The following UBN1 variants were observed in gnomAD, a reference collection of about 807,000 sequenced individuals.
UBN1 encodes the protein ubinuclein 1, also known as ubinuclein-1.
In UBN1, 17 loss-of-function variants were observed where a neutral mutation model predicts 108.5. That is an observed-to-expected ratio of 0.16 (90% confidence interval 0.11 to 0.24). The LOEUF (loss-of-function observed/expected upper bound fraction) is 0.24, where lower values mean the gene tolerates loss of function less well. Among genes scored for constraint, UBN1 ranks in the 10% least tolerant of loss-of-function variants. The pLI, the probability that UBN1 is intolerant of heterozygous loss-of-function variation, is 1.00. For missense variants in UBN1, 1,595 were observed against 1,394.4 expected (o/e 1.14, Z -2.29); for synonymous variants, 726 against 564.2 (o/e 1.29, Z -4.07).
In UBN1 at chr16:4,848,051, C is replaced by A. The variant is rs1309390280; in HGVS notation, c.-199C>A. On this transcript the variant is annotated 5_prime_UTR_variant, in exon 1 of 18. Transcript: ENST00000262376. ...GCGCGCGGCGCGGCACACCAGGCTCCCCTGGGCTCGGGGACCCGGCCATGG... is the reference window on the plus strand; with the variant it reads ...GCGCGCGGCGCGGCACACCAGGCTCACCTGGGCTCGGGGACCCGGCCATGG... The A allele has an allele frequency of 1.3e-5, 2 of 152,112 alleles. No homozygotes were observed. Among genetic ancestry groups the A allele is most frequent in the African/African-American group, 4.8e-5 (2 of 41,438 alleles). 9.4% of individuals were successfully genotyped at this position (152,112 alleles called of 1,614,324 possible).
intron 7 of UBN1, among the ~76,000 whole-genome samples, chr16:4,864,953 A>G (rs1164247598): frequency 3.9e-5 from 6 of 152,240 alleles, no homozygotes; most frequent in Non-Finnish European, 8.8e-5. Context: ...TACAGTATAT[A>G]AGATTTTGAG....
chr16:4,859,422 G>A (rs915020739), intron 5 of UBN1, among the ~76,000 whole-genome samples: 1 of 152,156 alleles, frequency 6.6e-6, no homozygotes, highest in African/African-American at 2.4e-5. Flanking sequence ...TTCTGGAGGT[G>A]GCCTCAGGGT....
At chr16:4,871,399 A>G (rs958734561) in intron 12 of UBN1, 98 bp downstream of exon 12, 21 of 1,509,516 alleles carry the variant, frequency 1.4e-5, no homozygotes, top group Non-Finnish European at 1.7e-5. Context: ...ACAGGGAGTC[A>G]CTGTCTAGCT....
Position 4,877,231 on chromosome 16 carries a change from C to G in UBN1, c.3265+120C>G, listed in dbSNP as rs549847987. 151 of 1,514,230 alleles carry G rather than the reference C, an allele frequency of 1.0e-4. 3 individuals are homozygous for G. In the South Asian group the frequency reaches 1.8e-3, roughly 18 times the overall value. 93.8% of individuals were successfully genotyped at this position (1,514,230 alleles called of 1,614,324 possible). Reference sequence around the variant, plus strand: ...TGGTGTGTGACTGTGGGGAACATCTCCGGGAACTGTGCCAAGCCCCCACTG... The same window carrying G: ...TGGTGTGTGACTGTGGGGAACATCTGCGGGAACTGTGCCAAGCCCCCACTG... On this transcript the variant is annotated intron_variant, in intron 16 of 17. Transcript: ENST00000262376. The surrounding 1 kb of genome is among the most constrained non-coding windows in gnomAD (Gnocchi z 4.3).
chr16:4,854,109 GT>G (rs985930910), intron 2 of UBN1, among the ~76,000 whole-genome samples: 7 of 149,370 alleles, frequency 4.7e-5, no homozygotes, highest in Non-Finnish European at 7.4e-5. Flanking sequence ...TCTTGTCTCA[GT>G]GCAACCTCTG....
intron 1 of UBN1, among the ~76,000 whole-genome samples, chr16:4,848,578 G>A (rs2086337267): frequency 6.6e-6 from 1 of 152,174 alleles, no homozygotes; most frequent in African/African-American, 2.4e-5. Flanking sequence ...GGTGTTTAGC[G>A]TACTGGGTCG....
chr16:4,859,856 A>C lies in UBN1; in HGVS notation c.568-9A>C. On this transcript the variant is annotated splice_polypyrimidine_tract_variant and intron_variant, in intron 5 of 17. Transcript: ENST00000262376. ...AGCCGTGTAACTGTGCCTTGTCTTTAATTCTCAGAAGCGGAAGTTGAAGGA... is the reference window on the plus strand; with the variant it reads ...AGCCGTGTAACTGTGCCTTGTCTTTCATTCTCAGAAGCGGAAGTTGAAGGA... The C allele has an allele frequency of 3.1e-6, 5 of 1,613,898 alleles. No individual in the cohort carries two copies. Among genetic ancestry groups the C allele is most frequent in the Non-Finnish European group, 4.2e-6 (5 of 1,179,914 alleles).
intron 7 of UBN1, among the ~76,000 whole-genome samples, chr16:4,864,402 C>T (rs535259042): frequency 1.3e-5 from 2 of 152,130 alleles, no homozygotes; most frequent in African/African-American, 4.8e-5. Context: ...TCTTTGAAAA[C>T]TTGTGTATGT....
rs372612606 is a variant in UBN1 at position 4,860,018 on chromosome 16, A to G, written c.671+50A>G. ...AGGATAAAGCCTGAACTGTTAGGGC[A>G]GGACGACTGGGAGCTGACTCACCTC... is the stretch of plus-strand genomic sequence containing the variant. On this transcript the variant is annotated intron_variant, in intron 6 of 17. Coordinates refer to ENST00000262376, the MANE Select transcript of UBN1 (RefSeq NM_001079514.3). The G allele has an allele frequency of 1.9e-5, 30 of 1,606,956 alleles. No individual in the cohort carries two copies. In the African/African-American group the frequency reaches 2.0e-4, roughly 11 times the overall value.
Position 4,876,940 on chromosome 16 carries a change from C to T in UBN1, c.3094C>T (p.Pro1032Ser). The T allele has an allele frequency of 6.2e-7, 1 of 1,614,132 alleles. No individual in the cohort carries two copies. Among genetic ancestry groups the T allele is most frequent in the Non-Finnish European group, 8.5e-7 (1 of 1,180,028 alleles). ...GGCTTCACCCTACAAATCCAGCAGC[C>T]CAAAGCTGTCTGGGGCCATGAGCTC... is the stretch of plus-strand genomic sequence containing the variant. ...LMASPYKSSS[P>S]KLSGAMSSNS... The change falls in exon 16 of 18, where the codon CCA (proline) becomes TCA (serine). Residue 1032 changes from proline (P) to serine (S), a missense_variant. This residue lies in a region of UBN1 where 1,398 missense variants were observed against 1,194.7 expected (regional missense o/e 1.17). Transcript: ENST00000262376.
rs149227472 is a variant in UBN1 at position 4,870,881 on chromosome 16, C to T, written c.1468C>T (p.Arg490Trp). 162 of 1,613,792 alleles carry T rather than the reference C, an allele frequency of 1.0e-4. No homozygotes were observed. Among genetic ancestry groups the T allele is most frequent in the African/African-American group, 1.5e-4 (11 of 74,964 alleles). ...GGAGAAAGACAAGGAGCAGAGGGAC[C>T]GGATTTGTTCGGATGAGGAAGAAGA... ...EEEKDKEQRDRICSDEEEDEE... is the reference protein window; with the variant it reads ...EEEKDKEQRDWICSDEEEDEE... Residue 490 changes from arginine to tryptophan, a missense_variant, in exon 11 of 18, where the codon CGG becomes TGG. By Grantham distance (101) the Arg-to-Trp change is moderately radical (BLOSUM62 -3). Transcript: ENST00000262376.
chr16:4,863,851 GT>G (rs2087187343), intron 7 of UBN1, among the ~76,000 whole-genome samples: 1 of 152,120 alleles, frequency 6.6e-6, no homozygotes, highest in Non-Finnish European at 1.5e-5. Flanking sequence ...TCAGGGCTTG[GT>G]GGTCTCAGGG....
At chr16:4,865,621 G>C (rs1312302229) in intron 7 of UBN1, among the ~76,000 whole-genome samples, 2 of 152,034 alleles carry the variant, frequency 1.3e-5, no homozygotes, top group African/African-American at 4.8e-5. Flanking sequence ...TATGAGCTGC[G>C]ATCACGTCAC....
chr16:4,877,340 C>T lies in UBN1; in HGVS notation c.3266-45C>T. The T allele has an allele frequency of 1.3e-6, 2 of 1,586,100 alleles. No individual in the cohort carries two copies. Among genetic ancestry groups the T allele is most frequent in the Non-Finnish European group, 1.7e-6 (2 of 1,163,658 alleles). On this transcript the variant is annotated intron_variant, in intron 16 of 17. Coordinates refer to ENST00000262376, the MANE Select transcript of UBN1 (RefSeq NM_001079514.3). The surrounding 1 kb of genome is among the most constrained non-coding windows in gnomAD (Gnocchi z 4.3). ...GGAGCTGCTTTCCTGTTCCTGTCTT[C>T]AATGTGTGTGTTTTGTTCTTTTCTC... is the stretch of plus-strand genomic sequence containing the variant.
Position 4,859,869 on chromosome 16 carries a change from G to A in UBN1, c.572G>A (p.Arg191Gln), listed in dbSNP as rs745686797. ...TGCCTTGTCTTTAATTCTCAGAAGC[G>A]GAAGTTGAAGGAAGGTGGTGAGAAG... ...KEKKKKSPKK[R>Q]KLKEGGEKIK... Residue 191 changes from arginine (R) to glutamine (Q), a missense_variant, in exon 6 of 18, where the codon CGG (arginine) becomes CAG (glutamine). Physicochemically the swap from Arg to Gln is conservative, Grantham distance 43. Transcript: ENST00000262376. 5.0e-6 allele frequency: 8 copies of A among 1,613,832 alleles called. No individual in the cohort carries two copies. The highest frequency in any genetic ancestry group is 2.2e-5 in the East Asian group (1 of 44,872).
chr16:4,854,812 T>G (rs1758448604), intron 2 of UBN1, among the ~76,000 whole-genome samples: 1 of 151,882 alleles, frequency 6.6e-6, no homozygotes, highest in African/African-American at 2.4e-5. Flanking sequence ...AAGCTCCGCC[T>G]CCTCGGTTCA....
intron 2 of UBN1, among the ~76,000 whole-genome samples, chr16:4,855,002 G>T (rs550520831): frequency 1.3e-5 from 2 of 152,266 alleles, no homozygotes; most frequent in African/African-American, 2.4e-5. Context: ...GATTACAGGC[G>T]TGAGCCACCG....
At position 4,854,528 on chromosome 16, in the gene UBN1, T is replaced by TG. The variant is rs1175792836; in HGVS notation, c.249+1363dup. 2.8e-3 allele frequency among the ~76,000 whole-genome samples: 359 copies of TG among 127,772 alleles called. 1 individual carries two copies. Among genetic ancestry groups the TG allele is most frequent in the Middle Eastern group, 3.9e-3 (1 of 254 alleles). The allele number at this position is 127,772 out of a possible 152,430, so 83.8% of individuals were successfully genotyped here. ...CTGGCTAATTTTTTTTTTTTTTTTT[T>TG]GTATTTTTAGTAGAGATGGGGTTTT... On this transcript the variant is annotated intron_variant, in intron 2 of 17. Transcript: ENST00000262376.
At chr16:4,848,392 A>C (rs1444109449) in intron 1 of UBN1, 182 bp downstream of exon 1, 4 of 152,344 alleles carry the variant, frequency 2.6e-5, no homozygotes, top group Non-Finnish European at 5.9e-5. Flanking sequence ...TCAGCAGACC[A>C]GGTAGAATCA....
Sources: gnomAD v4.1 joint callset for allele counts (sites outside exome capture counted in the v4.1 genomes callset) on GRCh38, gnomAD v4.1.1 for gene constraint, gnomAD v4.1.1 regional missense constraint, Gnocchi (gnomAD v3.1) non-coding constraint, MANE v1.5 for transcripts, NCBI Gene and HGNC (gene_info 2026-07-23, HGNC 2026-07-21) for gene names.